Variants in HIRA observed in about 807,000 individuals in gnomAD.
The protein encoded by HIRA is protein HIRA.
In HIRA, 13 loss-of-function variants were observed where a neutral mutation model predicts 126.6. The ratio of observed to expected loss-of-function variants is 0.10; its 90% CI spans 0.07 to 0.16. The LOEUF is 0.16. Among genes scored for constraint, HIRA ranks in the 10% least tolerant of loss-of-function variants. The pLI, the probability that HIRA is intolerant of heterozygous loss-of-function variation, is 1.00. For synonymous variants in HIRA, 511 were observed against 520.0 expected, an observed-to-expected ratio of 0.98 and a Z score of 0.24; for missense variants, 834 against 1,314.4, an observed-to-expected ratio of 0.63 and a Z score of 5.65.
Position 19,396,787 on chromosome 22 carries a change from C to T in HIRA, c.654G>A (p.Glu218=), listed in dbSNP as rs1327777807. 5 of 1,613,876 alleles carry T rather than the reference C, an allele frequency of 3.1e-6. No homozygotes were observed. The African/African-American group carries it at 5.3e-5, about 17-fold the overall frequency. ...LETSITKPFD[E]CGGTTHVLRL... ...AGCTCCCTGAGCTGTCCCCACTTAC[C>T]TCATCAAAAGGCTTGGTGATGCTGG... The change falls in exon 7 of 25, where the codon GAG becomes GAA. Residue 218 remains glutamate (E), a splice_region_variant and synonymous_variant. Transcript: ENST00000263208.
chr22:19,348,278 A>C (rs1196888896), intron 24 of HIRA, among the ~76,000 whole-genome samples: 6 of 152,230 alleles, frequency 3.9e-5, no homozygotes, highest in Admixed American at 3.9e-4. Flanking sequence ...TACTATGTCC[A>C]CCAGATAGTA....
intron 1 of HIRA, among the ~76,000 whole-genome samples, chr22:19,412,266 G>C (rs1444807858): frequency 6.6e-6 from 1 of 152,168 alleles, no homozygotes. Flanking sequence ...CCGGACAAGT[G>C]AGAATCAAGG....
intron 1 of HIRA, among the ~76,000 whole-genome samples, chr22:19,416,572 T>C (rs2089400630): frequency 6.6e-6 from 1 of 152,150 alleles, no homozygotes; most frequent in Non-Finnish European, 1.5e-5. Context: ...ACTCCTGAGT[T>C]CAAGCGATCT....
In HIRA at chr22:19,331,338, C is replaced by T; in HGVS notation, c.*102G>A. On this transcript the variant is annotated 3_prime_UTR_variant, in exon 25 of 25. Coordinates refer to ENST00000263208, the MANE Select transcript of HIRA (RefSeq NM_003325.4). ...AGGACAGCACATCTCCTGCCAGTGT[C>T]TCCTCCCCCTACAGCCTGGTCAGGT... 1 of 1,599,574 alleles carries T rather than the reference C, an allele frequency of 6.3e-7. No homozygotes were observed. Among genetic ancestry groups the T allele is most frequent in the Non-Finnish European group, 8.5e-7 (1 of 1,178,172 alleles).
At chr22:19,371,980 T>C (rs986465465) in intron 15 of HIRA, among the ~76,000 whole-genome samples, 4 of 152,220 alleles carry the variant, frequency 2.6e-5, no homozygotes, top group Non-Finnish European at 4.4e-5. Flanking sequence ...GGTATGTATC[T>C]AGGTGTGGGA....
At chr22:19,348,802 T>G (rs533329796) in intron 24 of HIRA, among the ~76,000 whole-genome samples, 16 of 151,592 alleles carry the variant, frequency 1.1e-4, no homozygotes, top group Non-Finnish European at 2.1e-4. Flanking sequence ...GCCTTTTTAT[T>G]TTTTATTTTT....
intron 10 of HIRA, 32 bp from the exon 11 acceptor site, chr22:19,387,848 C>T: frequency 6.6e-7 from 1 of 1,519,250 alleles, no homozygotes; most frequent in Non-Finnish European, 9.1e-7. Context: ...AGCCTGGTAG[C>T]AAGAGCCCCA....
intron 15 of HIRA, among the ~76,000 whole-genome samples, chr22:19,373,035 T>C (rs2088981749): frequency 6.6e-6 from 1 of 152,206 alleles, no homozygotes; most frequent in Non-Finnish European, 1.5e-5. Context: ...GAAGTCCAAT[T>C]TATCGATTCC....
chr22:19,411,548 G>C (rs917123772), intron 1 of HIRA, among the ~76,000 whole-genome samples: 1 of 152,212 alleles, frequency 6.6e-6, no homozygotes, highest in Non-Finnish European at 1.5e-5. Context: ...CTAGGACAAA[G>C]GTTTAAGAGC....
chr22:19,380,722 G>A (rs1359055349), intron 13 of HIRA, among the ~76,000 whole-genome samples: 1 of 152,126 alleles, frequency 6.6e-6, no homozygotes, highest in Admixed American at 6.5e-5. Flanking sequence ...TCCTGCCTCA[G>A]CCTCCAAGTA....
rs1032493576 is a variant in HIRA at position 19,353,999 on chromosome 22, G to C, written c.2681C>G (p.Ser894Cys). The stretch of plus-strand genomic sequence containing the variant: ...CCATGGCATTCAGGTCACGTACTTG[G>C]AGGTGCGGCCCTGGATTATGGCTAA... ...GPLAIIQGRT[S>C]NSGRQAARLF... The change falls in exon 22 of 25, where the codon TCC becomes TGC. Residue 894 changes from serine (S) to cysteine (C), a missense_variant. By Grantham distance (112) the Ser-to-Cys change is moderately radical (BLOSUM62 -1). This residue lies in a region of HIRA where 468 missense variants were observed against 574.2 expected (regional missense o/e 0.82). Transcript: ENST00000263208. 2.5e-6 allele frequency: 4 copies of C among 1,613,196 alleles called. No individual in the cohort carries two copies. Among genetic ancestry groups the C allele is most frequent in the South Asian group, 1.1e-5 (1 of 90,778 alleles).
intron 24 of HIRA, among the ~76,000 whole-genome samples, chr22:19,343,689 C>T (rs2088656014): frequency 1.3e-5 from 2 of 150,314 alleles, no homozygotes; most frequent in Admixed American, 1.3e-4. Flanking sequence ...ACTTTGGGAG[C>T]CTGAGACGGG....
intron 24 of HIRA, among the ~76,000 whole-genome samples, chr22:19,344,017 AACAC>A (rs1435599653): frequency 1.3e-5 from 2 of 152,110 alleles, no homozygotes; most frequent in Non-Finnish European, 2.9e-5. Context: ...TGGCTGAAAA[AACAC>A]ACTATTAAAC....
In HIRA at chr22:19,361,271, G is replaced by T. The variant is rs766094983; in HGVS notation, c.2051C>A (p.Pro684Gln). The T allele has an allele frequency of 6.2e-7, 1 of 1,614,178 alleles. No homozygotes were observed. The highest frequency in any genetic ancestry group is 8.5e-7 in the Non-Finnish European group (1 of 1,180,012). ...LSAPALALKLPIPSPQRAFTL... is the reference protein window; with the variant it reads ...LSAPALALKLQIPSPQRAFTL... ...GAATGCTCTCTGGGGGCTTGGAATT[G>T]GCAGCTTCAGTGCAAGTGCTGGTGC... The change falls in exon 17 of 25, where the codon CCA (proline) becomes CAA (glutamine). Residue 684 changes from proline to glutamine, a missense_variant. Physicochemically the swap from Pro to Gln is moderately conservative, Grantham distance 76 (BLOSUM62 -1). Coordinates refer to ENST00000263208, the MANE Select transcript of HIRA (RefSeq NM_003325.4).
At chr22:19,424,890 C>T (rs770759013) in intron 1 of HIRA, among the ~76,000 whole-genome samples, 2 of 152,178 alleles carry the variant, frequency 1.3e-5, no homozygotes, top group Non-Finnish European at 2.9e-5. Context: ...CTTAAAGAGA[C>T]GTGTCCCTCT....
intron 15 of HIRA, among the ~76,000 whole-genome samples, chr22:19,373,976 C>T (rs1296720581): frequency 6.6e-6 from 1 of 151,418 alleles, no homozygotes; most frequent in East Asian, 1.9e-4. Context: ...ACTGCTCTTT[C>T]CTGTGAACTA....
chr22:19,421,987 C>T (rs768426308), intron 1 of HIRA, among the ~76,000 whole-genome samples: 30 of 151,894 alleles, frequency 2.0e-4, no homozygotes, highest in Non-Finnish European at 4.0e-4. Context: ...TATCTTATCT[C>T]ATACCCCATA....
intron 24 of HIRA, among the ~76,000 whole-genome samples, chr22:19,347,064 G>GGCTA (rs1293914400): frequency 6.6e-6 from 1 of 152,186 alleles, no homozygotes; most frequent in Non-Finnish European, 1.5e-5. Flanking sequence ...GGGCATCTTG[G>GGCTA]GCTAAGGCTG....
chr22:19,366,040 T>G (rs963029536), intron 15 of HIRA: 1 of 151,990 alleles, frequency 6.6e-6, no homozygotes, highest in African/African-American at 2.4e-5. Flanking sequence ...CAAGACACTA[T>G]CTCTTAAATA....
Sources: gnomAD v4.1 joint callset for allele counts (sites outside exome capture counted in the v4.1 genomes callset) on GRCh38, gnomAD v4.1.1 for gene constraint, gnomAD v4.1.1 regional missense constraint, MANE v1.5 for transcripts, NCBI Gene and HGNC (gene_info 2026-07-23, HGNC 2026-07-21) for gene names.